POTEJ: variants seen among roughly 807,000 people sequenced by gnomAD.
The protein encoded by POTEJ is POTE ankyrin domain family member J, also known as POTE ankyrin domain family, member J.
A neutral mutation model predicts 69.0 loss-of-function variants in POTEJ; 11 were observed. The observed-to-expected ratio is 0.16, with a 90% CI of 0.10 to 0.26. The LOEUF (loss-of-function observed/expected upper bound fraction) is 0.26. POTEJ is among the 10% of genes least tolerant of loss of function. The pLI is 1.00. For synonymous variants in POTEJ, 117 were observed against 381.1 expected, an observed-to-expected ratio of 0.31 and a Z score of 8.07; for missense variants, 327 against 1,045.5, an observed-to-expected ratio of 0.31 and a Z score of 9.48.
At position 130,657,472 on chromosome 2, in the gene POTEJ, G is replaced by T; in HGVS notation, c.2712G>T (p.Glu904Asp). 1 of 1,578,044 alleles carries T rather than the reference G, an allele frequency of 6.3e-7. No individual in the cohort carries two copies. Among genetic ancestry groups the T allele is most frequent in the Non-Finnish European group, 8.7e-7 (1 of 1,154,106 alleles). The change falls in exon 15 of 15, where the codon GAG becomes GAT. Residue 904 changes from glutamate (E) to aspartate (D), a missense_variant. Glu to Asp is a conservative substitution (Grantham distance 45, BLOSUM62 2). Coordinates refer to ENST00000409602, the MANE Select transcript of POTEJ (RefSeq NM_001277083.2). The stretch of plus-strand genomic sequence containing the variant: ...GCTCCTCCCTAGAGAAGAGCTACGA[G>T]CTGCCCGATGGCCAGGTCATCACCA... Reference protein sequence around the residue: ...ASSSSLEKSYELPDGQVITIS... With the variant: ...ASSSSLEKSYDLPDGQVITIS...
At chr2:130,647,936 G>A (rs1351560018) in intron 13 of POTEJ, among the ~76,000 whole-genome samples, 96 of 143,690 alleles carry the variant, frequency 6.7e-4, no homozygotes, top group African/African-American at 1.2e-3. Flanking sequence ...TCACCTCACC[G>A]TATTTTTCCA....
intron 13 of POTEJ, 23 bp downstream of exon 13, chr2:130,646,333 C>G: frequency 1.6e-6 from 1 of 623,070 alleles, no homozygotes. Context: ...CAACATTGAA[C>G]AGGAGGTAAC....
chr2:130,634,075 C>G lies in POTEJ; in HGVS notation c.1298+1419C>G, dbSNP rs562499784. Among the ~76,000 whole-genome samples the G allele has an allele frequency of 1.4e-4, 22 of 152,210 alleles. No homozygotes were observed. The East Asian group carries it at 2.3e-3, about 16-fold the overall frequency. ...CACAGGTGTGCAACATCACACCCAG[C>G]TAATTGACACTATGGACTGTAAAGT... On this transcript the variant is annotated intron_variant, in intron 9 of 14. Transcript: ENST00000409602.
chr2:130,619,864 G>A (rs1251505730), intron 3 of POTEJ, among the ~76,000 whole-genome samples, 181 bp from the exon 4 acceptor site: 1 of 151,432 alleles, frequency 6.6e-6, no homozygotes, highest in East Asian at 1.9e-4. Context: ...AGGCAGAGAA[G>A]GGGTGTTTCC....
intron 6 of POTEJ, among the ~76,000 whole-genome samples, chr2:130,625,109 C>T (rs1433301317): frequency 7.9e-5 from 12 of 151,964 alleles, no homozygotes; most frequent in Non-Finnish European, 1.5e-4. Context: ...TTTAATTTAG[C>T]CATCTATTTA....
intron 8 of POTEJ, among the ~76,000 whole-genome samples, chr2:130,631,903 T>C (rs1246936983): frequency 7.0e-6 from 1 of 143,564 alleles, no homozygotes; most frequent in Admixed American, 6.9e-5. Flanking sequence ...GCTTCTTGTG[T>C]TTTGGCAAAC....
rs530075972 is a variant in POTEJ at position 130,637,616 on chromosome 2, G to T, written c.1299-1003G>T. Among the ~76,000 whole-genome samples the T allele has an allele frequency of 7.2e-5, 11 of 152,370 alleles. No individual in the cohort carries two copies. The East Asian group carries it at 9.6e-4, about 13-fold the overall frequency. ...TTGCGCAATAAAAATAGTCATGTAAGGTGGTCTGTGAGATGACACCAGAGC... is the reference window on the plus strand; with the variant it reads ...TTGCGCAATAAAAATAGTCATGTAATGTGGTCTGTGAGATGACACCAGAGC... On this transcript the variant is annotated intron_variant, in intron 9 of 14. Transcript: ENST00000409602.
intron 3 of POTEJ, among the ~76,000 whole-genome samples, chr2:130,618,634 A>G (rs1258656025): frequency 6.8e-6 from 1 of 146,030 alleles, no homozygotes; most frequent in Non-Finnish European, 1.5e-5. Context: ...CAAAATCTGG[A>G]TACACTCCTG....
intron 13 of POTEJ, among the ~76,000 whole-genome samples, chr2:130,648,120 C>G (rs1163356577): frequency 1.4e-5 from 2 of 147,328 alleles, no homozygotes; most frequent in African/African-American, 5.0e-5. Context: ...AAGAAATATT[C>G]TCCTTGAGAG....
chr2:130,641,019 G>A (rs1451357145), intron 10 of POTEJ, among the ~76,000 whole-genome samples: 1 of 151,854 alleles, frequency 6.6e-6, no homozygotes, highest in Non-Finnish European at 1.5e-5. Flanking sequence ...GACCAGGTGG[G>A]CAATATTTTA....
chr2:130,650,428 G>C (rs1441316628), intron 13 of POTEJ, among the ~76,000 whole-genome samples: 1 of 152,106 alleles, frequency 6.6e-6, no homozygotes, highest in Non-Finnish European at 1.5e-5. Context: ...CTCATGAATA[G>C]GGTTTTTATT....
At chr2:130,650,168 A>T (rs1216789134) in intron 13 of POTEJ, among the ~76,000 whole-genome samples, 1 of 152,280 alleles carries the variant, frequency 6.6e-6, no homozygotes, top group Non-Finnish European at 1.5e-5. Context: ...CTAACTTCAA[A>T]CCTATTTGTG....
intron 9 of POTEJ, among the ~76,000 whole-genome samples, chr2:130,636,530 T>G (rs970492028): frequency 4.1e-5 from 6 of 147,118 alleles, no homozygotes; most frequent in Non-Finnish European, 9.1e-5. Context: ...ATCTCAACTT[T>G]CCCACCACCC....
At chr2:130,637,897 G>T (rs552430824) in intron 9 of POTEJ, among the ~76,000 whole-genome samples, 1 of 145,988 alleles carries the variant, frequency 6.8e-6, no homozygotes, top group Non-Finnish European at 1.5e-5. Context: ...TCTGCCCTTG[G>T]CGTGATTCAT....
chr2:130,622,948 A>C (rs1685589023), intron 5 of POTEJ: 1 of 144,288 alleles, frequency 6.9e-6, no homozygotes, highest in Non-Finnish European at 1.5e-5. Context: ...TATTTTGTGC[A>C]GTCACTGGAA....
At chr2:130,656,016 A>G (rs1014257774) in intron 14 of POTEJ, among the ~76,000 whole-genome samples, 1 of 143,794 alleles carries the variant, frequency 7.0e-6, no homozygotes. Context: ...CTGAGTATAG[A>G]AATATTAGAA....
chr2:130,633,279 AG>A (rs1203767772), intron 9 of POTEJ, among the ~76,000 whole-genome samples: 20 of 138,112 alleles, frequency 1.4e-4, no homozygotes, highest in African/African-American at 5.5e-4. Context: ...TTAATTTAGT[AG>A]CATATTCACA....
chr2:130,613,380 G>GTA (rs1194449839), intron 1 of POTEJ, among the ~76,000 whole-genome samples: 16 of 125,740 alleles, frequency 1.3e-4, no homozygotes, highest in Non-Finnish European at 2.5e-4. Context: ...ATGTGTGTGT[G>GTA]TGTGTATATA....
intron 10 of POTEJ, among the ~76,000 whole-genome samples, 166 bp downstream of exon 10, chr2:130,638,855 T>C (rs1260070913): frequency 2.0e-5 from 3 of 152,310 alleles, no homozygotes; most frequent in Non-Finnish European, 4.4e-5. Context: ...ATATTATTAT[T>C]ACATTGTAAT....
Sources: allele counts gnomAD v4.1 joint callset (sites outside exome capture counted in the v4.1 genomes callset), GRCh38; gene constraint gnomAD v4.1.1; transcripts MANE v1.5; gene names NCBI Gene and HGNC (gene_info 2026-07-23, HGNC 2026-07-21).